MMP2: variants seen among roughly 807,000 people sequenced by gnomAD.
MMP2 encodes the protein matrix metallopeptidase 2, also known as 72 kDa type IV collagenase.
In MMP2, 39 loss-of-function variants were observed where a neutral mutation model predicts 74.8. That is an observed-to-expected ratio of 0.52 (90% confidence interval 0.40 to 0.68). The LOEUF (loss-of-function observed/expected upper bound fraction) is 0.68, where lower values mean the gene tolerates loss of function less well. Among genes scored for constraint, MMP2 ranks in the 30% least tolerant of loss-of-function variants. MMP2 has a pLI of 0.00. For missense variants in MMP2, 803 were observed against 878.3 expected (o/e 0.91, Z 1.08); for synonymous variants, 367 against 339.8 (o/e 1.08, Z -0.88).
At chr16:55,504,484 G>C (rs1962746738) in intron 12 of MMP2, among the ~76,000 whole-genome samples, 1 of 152,076 alleles carries the variant, frequency 6.6e-6, no homozygotes, top group African/African-American at 2.4e-5. Context: ...CTAGAAGGTT[G>C]ATAATCTTTA....
chr16:55,490,393 G>A (rs926741068), intron 7 of MMP2, among the ~76,000 whole-genome samples: 2 of 152,188 alleles, frequency 1.3e-5, no homozygotes, highest in Admixed American at 1.3e-4. Flanking sequence ...TGTAAATGGT[G>A]GGTCCTCGTC....
At chr16:55,491,682 A>G in intron 7 of MMP2, 119 bp from the exon 8 acceptor site, 1 of 1,155,760 alleles carries the variant, frequency 8.7e-7, no homozygotes. Flanking sequence ...TGCCGCTTCC[A>G]GGGTTCTCAG....
In MMP2 at chr16:55,484,965, A is replaced by G. The variant is rs11646643; in HGVS notation, c.530-334A>G. On this transcript the variant is annotated intron_variant, in intron 3 of 12. Coordinates refer to ENST00000219070, the MANE Select transcript of MMP2 (RefSeq NM_004530.6). The stretch of plus-strand genomic sequence containing the variant: ...TGACAGGATGGAGGATGGCATAGAC[A>G]CTGGGGATGATGAAGATGGGGTGAG... 0.31 allele frequency among the ~76,000 whole-genome samples: 47,182 copies of G among 151,982 alleles called. 7,534 individuals are homozygous for G. Among genetic ancestry groups the G allele is most frequent in the Admixed American group, 0.37 (5,720 of 15,260 alleles).
intron 9 of MMP2, among the ~76,000 whole-genome samples, chr16:55,495,949 A>T (rs1253750133): frequency 6.6e-6 from 1 of 151,964 alleles, no homozygotes; most frequent in East Asian, 1.9e-4. Context: ...ACACACACAG[A>T]CCCCCAGATG....
At chr16:55,493,129 G>A in intron 8 of MMP2, 29 bp from the exon 9 acceptor site, 1 of 1,612,592 alleles carries the variant, frequency 6.2e-7, no homozygotes, top group Non-Finnish European at 8.5e-7. Context: ...TGGAGCTGCA[G>A]AGAGTCTAAG....
chr16:55,496,725 G>C (rs1962536641), intron 9 of MMP2, among the ~76,000 whole-genome samples: 1 of 152,198 alleles, frequency 6.6e-6, no homozygotes, highest in African/African-American at 2.4e-5. Context: ...CAGGGTAGGA[G>C]GATGTTTCTC....
intron 1 of MMP2, chr16:55,480,663 A>C (rs1567371734): frequency 6.6e-6 from 1 of 152,462 alleles, no homozygotes; most frequent in Non-Finnish European, 1.5e-5. Flanking sequence ...AGTCCAGGGG[A>C]TATCTGCTCC....
chr16:55,489,847 C>A lies in MMP2; in HGVS notation c.1180+23C>A, dbSNP rs778228639. 7 of 1,612,372 alleles carry A rather than the reference C, an allele frequency of 4.3e-6. No individual in the cohort carries two copies. The African/African-American group carries it at 5.3e-5, about 12-fold the overall frequency. Reference sequence around the variant, plus strand: ...AAGGTACGAGGCCCTGGTCATTGGACAGAGACCCTGGACATTGCCCTTGCC... The same window carrying A: ...AAGGTACGAGGCCCTGGTCATTGGAAAGAGACCCTGGACATTGCCCTTGCC... On this transcript the variant is annotated intron_variant, in intron 7 of 12. Coordinates refer to ENST00000219070, the MANE Select transcript of MMP2 (RefSeq NM_004530.6).
downstream of MMP2, chr16:55,506,691 A>ACTGACGGCTC (rs1443339144): frequency 6.6e-6 from 1 of 152,172 alleles, no homozygotes; most frequent in Non-Finnish European, 1.5e-5. Context: ...TGATGAAGAG[A>ACTGACGGCTC]CTGATGGCTC....
Position 55,488,526 on chromosome 16 carries a change from C to G in MMP2, c.833-17C>G. On this transcript the variant is annotated splice_polypyrimidine_tract_variant and intron_variant, in intron 5 of 12. Coordinates refer to ENST00000219070, the MANE Select transcript of MMP2 (RefSeq NM_004530.6). ...GCATGTCTCATTCACATCCTTCCCT[C>G]TCTCCCCCACCCTTAGCCCTGTTCA... 2 of 1,612,612 alleles carry G rather than the reference C, an allele frequency of 1.2e-6. No individual in the cohort carries two copies. The highest frequency in any genetic ancestry group is 1.7e-6 in the Non-Finnish European group (2 of 1,179,396).
intron 11 of MMP2, among the ~76,000 whole-genome samples, chr16:55,501,985 A>T (rs769050889): frequency 6.6e-6 from 1 of 152,198 alleles, no homozygotes; most frequent in Non-Finnish European, 1.5e-5. Flanking sequence ...AAAATCTTAA[A>T]AGACAGAAGG....
chr16:55,503,038 G>A, intron 12 of MMP2, 150 bp downstream of exon 12: 1 of 713,396 alleles, frequency 1.4e-6, no homozygotes, highest in Non-Finnish European at 2.5e-6. Context: ...CTAGTGCTGG[G>A]AAGGTTTCCA....
chr16:55,494,625 C>T (rs1196991430), intron 9 of MMP2, among the ~76,000 whole-genome samples: 1 of 152,198 alleles, frequency 6.6e-6, no homozygotes, highest in Non-Finnish European at 1.5e-5. Flanking sequence ...AGCTTCAGAC[C>T]CTCCTGACTG....
intron 3 of MMP2, among the ~76,000 whole-genome samples, chr16:55,484,549 G>A (rs1254813199): frequency 1.3e-5 from 2 of 152,240 alleles, no homozygotes; most frequent in African/African-American, 4.8e-5. Context: ...CAGGAGGCTA[G>A]TGACTATTGA....
intron 3 of MMP2, among the ~76,000 whole-genome samples, chr16:55,484,797 A>G (rs1962200334): frequency 6.6e-6 from 1 of 152,224 alleles, no homozygotes; most frequent in African/African-American, 2.4e-5. Context: ...GTGGTAAGTG[A>G]TGAAGGTAAA....
chr16:55,498,432 G>A lies in MMP2; in HGVS notation c.1753G>A (p.Gly585Arg), dbSNP rs778432790. 1.2e-6 allele frequency: 2 copies of A among 1,614,096 alleles called. No individual in the cohort carries two copies. Among genetic ancestry groups the A allele is most frequent in the East Asian group, 2.2e-5 (1 of 44,892 alleles). ...AAACAAGAAGACATACATCTTTGCT[G>A]GAGACAAATTCTGGAGGTAAGGGAG... Reference protein sequence around the residue: ...SKNKKTYIFAGDKFWRYNEVK... With the variant: ...SKNKKTYIFARDKFWRYNEVK... Residue 585 changes from glycine to arginine, a missense_variant, in exon 11 of 13, where the codon GGA becomes AGA. Gly to Arg is a moderately radical substitution (Grantham distance 125, BLOSUM62 -2). Around this residue, in one of 3 missense-constraint regions of MMP2, gnomAD observed 555 missense variants for 592.0 expected, o/e 0.94. Coordinates refer to ENST00000219070, the MANE Select transcript of MMP2 (RefSeq NM_004530.6).
intron 2 of MMP2, 131 bp from the exon 3 acceptor site, chr16:55,483,885 G>A: frequency 1.1e-6 from 1 of 929,548 alleles, no homozygotes; most frequent in East Asian, 2.4e-5. Context: ...CCGTGCTTGT[G>A]CATATACTTG....
intron 7 of MMP2, among the ~76,000 whole-genome samples, chr16:55,490,720 A>T (rs1962384698): frequency 6.6e-6 from 1 of 152,182 alleles, no homozygotes; most frequent in Non-Finnish European, 1.5e-5. Flanking sequence ...ATGTCAGTGG[A>T]CAGAGGCTGG....
In MMP2 at chr16:55,479,585, A is replaced by G; in HGVS notation, c.106A>G (p.Lys36Glu). Reference protein sequence around the residue: ...HAAAAPSPIIKFPGDVAPKTD... With the variant: ...HAAAAPSPIIEFPGDVAPKTD... ...CGCCGCCGCGCCGTCGCCCATCATCAAGTTCCCCGGCGATGTCGCCCCCAA... is the reference window on the plus strand; with the variant it reads ...CGCCGCCGCGCCGTCGCCCATCATCGAGTTCCCCGGCGATGTCGCCCCCAA... Residue 36 changes from lysine to glutamate, a missense_variant, in exon 1 of 13, where the codon AAG (lysine) becomes GAG (glutamate). Around this residue, in one of 3 missense-constraint regions of MMP2, gnomAD observed 223 missense variants for 232.8 expected, o/e 0.96. Coordinates refer to ENST00000219070, the MANE Select transcript of MMP2 (RefSeq NM_004530.6). 6.2e-7 allele frequency: 1 copy of G among 1,613,608 alleles called. No homozygotes were observed. Among genetic ancestry groups the G allele is most frequent in the Non-Finnish European group, 8.5e-7 (1 of 1,179,976 alleles).
Sources: allele counts gnomAD v4.1 joint callset (sites outside exome capture counted in the v4.1 genomes callset), GRCh38; gene constraint gnomAD v4.1.1; regional missense constraint gnomAD v4.1.1; transcripts MANE v1.5; gene names NCBI Gene and HGNC (gene_info 2026-07-23, HGNC 2026-07-21).